Variants in SRRM4 observed in about 807,000 individuals in gnomAD.
The protein encoded by SRRM4 is serine/arginine repetitive matrix 4.
SRRM4 carries 33 observed loss-of-function variants against 68.9 expected under a neutral mutation model. The observed-to-expected ratio is 0.48, with a 90% CI of 0.36 to 0.64. SRRM4 has a LOEUF of 0.64. Among genes scored for constraint, SRRM4 ranks in the 30% least tolerant of loss-of-function variants. SRRM4 has a pLI of 0.00. For missense variants in SRRM4, 817 were observed against 827.1 expected, an observed-to-expected ratio of 0.99 and a Z score of 0.15; for synonymous variants, 318 against 318.8, an observed-to-expected ratio of 1.00 and a Z score of 0.03.
Position 118,981,778 on chromosome 12 carries a change from G to T in SRRM4, c.-105G>T, listed in dbSNP as rs1416290421. The T allele has an allele frequency of 2.9e-6, 4 of 1,362,064 alleles. No individual in the cohort carries two copies. The Admixed American group carries it at 7.5e-5, about 25-fold the overall frequency. 84.4% of individuals were successfully genotyped at this position (1,362,064 alleles called of 1,614,324 possible). A position where few individuals can be genotyped will look rare whatever the true frequency, so the allele number is the denominator to read the frequency against. Reference sequence around the variant, plus strand: ...ATCTCTCCCACCCCACCCCTCTCTGGGTTTCACCCGGACAGAGCCGGGAGC... The same window carrying T: ...ATCTCTCCCACCCCACCCCTCTCTGTGTTTCACCCGGACAGAGCCGGGAGC... On this transcript the variant is annotated 5_prime_UTR_variant, in exon 1 of 13. Coordinates refer to ENST00000267260, the MANE Select transcript of SRRM4 (RefSeq NM_194286.4).
Position 118,981,763 on chromosome 12 carries a change from C to T in SRRM4, c.-120C>T. 8.4e-7 allele frequency: 1 copy of T among 1,185,014 alleles called. No homozygotes were observed. 73.4% of individuals were successfully genotyped at this position (1,185,014 alleles called of 1,614,324 possible). ...CCGCCCTGAACTCCGATCTCTCCCA[C>T]CCCACCCCTCTCTGGGTTTCACCCG... On this transcript the variant is annotated 5_prime_UTR_variant, in exon 1 of 13. Coordinates refer to ENST00000267260, the MANE Select transcript of SRRM4 (RefSeq NM_194286.4).
At chr12:119,151,746 C>T (rs1954441104) in intron 10 of SRRM4, among the ~76,000 whole-genome samples, 1 of 152,148 alleles carries the variant, frequency 6.6e-6, no homozygotes, top group Non-Finnish European at 1.5e-5. Context: ...TGACTCATCA[C>T]TCTACTCCAT....
intron 1 of SRRM4, among the ~76,000 whole-genome samples, chr12:119,026,658 C>T (rs1465870875): frequency 1.3e-5 from 2 of 152,216 alleles, no homozygotes; most frequent in South Asian, 4.2e-4. Context: ...AAGTGATTCT[C>T]GTGCCTCAGC....
Position 119,156,783 on chromosome 12 carries a change from C to T in SRRM4, c.1821C>T (p.Ser607=), listed in dbSNP as rs1438237967. Residue 607 remains serine (S), a synonymous_variant, in exon 13 of 13, where the codon TCC becomes TCT. Transcript: ENST00000267260. ...SRSYSSADSY[S]STRR Reference sequence around the variant, plus strand: ...GCTACAGCTCAGCAGACAGCTACTCCAGCACGAGGCGCTAAGTGCCCCTGA... The same window carrying T: ...GCTACAGCTCAGCAGACAGCTACTCTAGCACGAGGCGCTAAGTGCCCCTGA... 1.3e-6 allele frequency: 2 copies of T among 1,534,628 alleles called. No homozygotes were observed.
At chr12:119,076,577 T>C (rs983989965) in intron 1 of SRRM4, among the ~76,000 whole-genome samples, 1 of 152,124 alleles carries the variant, frequency 6.6e-6, no homozygotes, top group African/African-American at 2.4e-5. Context: ...GATATCAAAG[T>C]TGTAAAGTAA....
chr12:119,114,001 T>C (rs1033141937), intron 2 of SRRM4: 3 of 230,958 alleles, frequency 1.3e-5, no homozygotes, highest in Non-Finnish European at 2.5e-5. Flanking sequence ...AATTCAATAA[T>C]AAATCTATTT....
intron 1 of SRRM4, among the ~76,000 whole-genome samples, chr12:119,017,326 A>C (rs1393053870): frequency 6.6e-6 from 1 of 152,210 alleles, no homozygotes; most frequent in African/African-American, 2.4e-5. Flanking sequence ...TCCAGTTCTA[A>C]AATTCCCGGA....
chr12:119,129,195 A>G (rs1397105237), intron 7 of SRRM4, among the ~76,000 whole-genome samples: 1 of 151,698 alleles, frequency 6.6e-6, no homozygotes, highest in African/African-American at 2.4e-5. Flanking sequence ...TGCCCTGTCT[A>G]TGTCTTCAAG....
chr12:119,087,599 C>T (rs546181984), intron 1 of SRRM4, among the ~76,000 whole-genome samples: 7 of 151,958 alleles, frequency 4.6e-5, no homozygotes, highest in East Asian at 3.9e-4. Context: ...TTTTAGCTGT[C>T]GGAGGAAGCT....
chr12:119,069,246 G>A (rs1448936405), intron 1 of SRRM4, among the ~76,000 whole-genome samples: 1 of 152,194 alleles, frequency 6.6e-6, no homozygotes, highest in Non-Finnish European at 1.5e-5. Flanking sequence ...CTGGGCGTGA[G>A]AACTGCCGGG....
At chr12:118,991,028 C>T (rs952042908) in intron 1 of SRRM4, among the ~76,000 whole-genome samples, 5 of 152,166 alleles carry the variant, frequency 3.3e-5, no homozygotes, top group Admixed American at 6.5e-5. Flanking sequence ...TGGTCTTGAA[C>T]TCCTGACCTC....
In SRRM4 at chr12:119,155,150, A is replaced by C. The variant is rs183984120; in HGVS notation, c.1532+767A>C. ...GTACACAATGTGCCATTGTTGATTG[A>C]ATGGTCAGAATAGGTGGATACCGTT... On this transcript the variant is annotated intron_variant, in intron 12 of 12. Coordinates refer to ENST00000267260, the MANE Select transcript of SRRM4 (RefSeq NM_194286.4). 1.1e-3 allele frequency among the ~76,000 whole-genome samples: 167 copies of C among 152,352 alleles called. No individual in the cohort carries two copies. In the East Asian group the frequency reaches 0.018, roughly 16 times the overall value.
At chr12:119,121,358 C>G (rs932922546) in intron 5 of SRRM4, among the ~76,000 whole-genome samples, 1 of 152,196 alleles carries the variant, frequency 6.6e-6, no homozygotes, top group African/African-American at 2.4e-5. Context: ...GTTCATCCTC[C>G]CTGATCTCTA....
intron 1 of SRRM4, among the ~76,000 whole-genome samples, chr12:118,995,479 A>T (rs760719655): frequency 6.6e-6 from 1 of 152,242 alleles, no homozygotes; most frequent in Non-Finnish European, 1.5e-5. Context: ...GCTCCATCCC[A>T]GTGCCACAGT....
intron 1 of SRRM4, among the ~76,000 whole-genome samples, chr12:118,995,404 C>A (rs1191256103): frequency 6.6e-6 from 1 of 152,186 alleles, no homozygotes; most frequent in East Asian, 1.9e-4. Context: ...AACTTAGGAG[C>A]ACCATATGGA....
intron 2 of SRRM4, chr12:119,114,057 G>A: frequency 2.4e-6 from 1 of 410,202 alleles, no homozygotes; most frequent in East Asian, 3.7e-5. Context: ...ATCAGTTGGT[G>A]TTTGGGTAAC....
chr12:119,132,400 G>C (rs1295073464), intron 8 of SRRM4: 1 of 152,210 alleles, frequency 6.6e-6, no homozygotes, highest in Non-Finnish European at 1.5e-5. Context: ...AGAGGTAGAG[G>C]AATGTTTTTA....
chr12:119,122,731 GTAAGTACC>G (rs143833415), intron 6 of SRRM4, among the ~76,000 whole-genome samples: 2,383 of 152,296 alleles, frequency 0.016, 55 homozygotes, highest in African/African-American at 0.054. Flanking sequence ...TGTGCGCTGT[GTAAGTACC>G]TGTGTATATT....
rs1019943536 is a variant in SRRM4, at chr12:119,021,973, T to C, written c.131+39960T>C. 3.3e-5 allele frequency among the ~76,000 whole-genome samples: 5 copies of C among 152,120 alleles called. No homozygotes were observed. In the South Asian group the frequency reaches 1.0e-3, roughly 32 times the overall value. ...AATGGGATTGCTGGGTCAAATGGTA[T>C]TTCTTGTTCTAGATCCTTGACACAG... On this transcript the variant is annotated intron_variant, in intron 1 of 12. Transcript: ENST00000267260.
Sources: allele counts gnomAD v4.1 joint callset (sites outside exome capture counted in the v4.1 genomes callset), GRCh38; gene constraint gnomAD v4.1.1; transcripts MANE v1.5; gene names NCBI Gene and HGNC (gene_info 2026-07-23, HGNC 2026-07-21).